Variants in THRB observed in about 807,000 individuals in gnomAD.
THRB encodes thyroid hormone receptor beta, also known as nuclear receptor subfamily 1 group A member 2.
A neutral mutation model predicts 47.8 loss-of-function variants in THRB; 12 were observed. The observed-to-expected ratio is 0.25, with a 90% confidence interval of 0.16 to 0.41. The LOEUF (loss-of-function observed/expected upper bound fraction) is 0.41, where lower values mean the gene tolerates loss of function less well. Ranked by LOEUF, THRB falls within the 10% of genes least tolerant of loss-of-function variation. The pLI, the probability that THRB is intolerant of heterozygous loss-of-function variation, is 1.00. For missense variants in THRB, 348 were observed against 589.2 expected (o/e 0.59, Z 4.24); for synonymous variants, 218 against 212.2 (o/e 1.03, Z -0.24).
At chr3:24,455,089 T>C (rs896273677) in intron 1 of THRB, 1 of 150,028 alleles carries the variant, frequency 6.7e-6, no homozygotes, top group African/African-American at 2.5e-5. Context: ...ATTAGTCACT[T>C]TGGGAATAAG....
chr3:24,210,879 T>C (rs1055064188), intron 4 of THRB, among the ~76,000 whole-genome samples: 1 of 152,132 alleles, frequency 6.6e-6, no homozygotes, highest in Admixed American at 6.5e-5. Flanking sequence ...TCCATAGTAA[T>C]GTGGACATTT....
chr3:24,278,872 G>T (rs1278933056), intron 3 of THRB, among the ~76,000 whole-genome samples: 1 of 152,048 alleles, frequency 6.6e-6, no homozygotes, highest in Non-Finnish European at 1.5e-5. Context: ...TAGATACAGG[G>T]TCTCACTCTG....
intron 9 of THRB, among the ~76,000 whole-genome samples, chr3:24,128,360 C>G (rs181150483): frequency 1.3e-5 from 2 of 152,292 alleles, no homozygotes; most frequent in African/African-American, 4.8e-5. Flanking sequence ...AGAATTCAGA[C>G]CTCCTGACTC....
chr3:24,288,713 A>C (rs897444281), intron 3 of THRB, among the ~76,000 whole-genome samples: 6 of 152,186 alleles, frequency 3.9e-5, no homozygotes, highest in African/African-American at 1.4e-4. Flanking sequence ...AGTGTTTTTC[A>C]AACTATGGGT....
chr3:24,277,276 G>A (rs2054021244), intron 3 of THRB, among the ~76,000 whole-genome samples: 1 of 152,148 alleles, frequency 6.6e-6, no homozygotes, highest in Admixed American at 6.6e-5. Flanking sequence ...GCATCTAGTG[G>A]GTAGAGGCTA....
At chr3:24,428,718 G>A (rs1476397816) in intron 1 of THRB, among the ~76,000 whole-genome samples, 7 of 93,020 alleles carry the variant, frequency 7.5e-5, no homozygotes, top group South Asian at 5.8e-4. Context: ...CCCACAGCTT[G>A]AGCCAGATGG....
At chr3:24,448,981 CA>C (rs970025848) in intron 1 of THRB, among the ~76,000 whole-genome samples, 43 of 152,054 alleles carry the variant, frequency 2.8e-4, no homozygotes, top group African/African-American at 9.7e-4. Context: ...AGGTCAAGGA[CA>C]GATGTAAGAC....
intron 3 of THRB, among the ~76,000 whole-genome samples, chr3:24,279,034 G>A (rs551949787): frequency 1.4e-4 from 22 of 152,088 alleles, no homozygotes; most frequent in African/African-American, 5.1e-4. Flanking sequence ...TCATAGAGAT[G>A]GGGCCTCACT....
At chr3:24,369,585 A>G (rs2064756647) in intron 1 of THRB, among the ~76,000 whole-genome samples, 1 of 152,162 alleles carries the variant, frequency 6.6e-6, no homozygotes, top group Admixed American at 6.6e-5. Flanking sequence ...ATCACACTGC[A>G]GCAGTATTTT....
intron 1 of THRB, among the ~76,000 whole-genome samples, chr3:24,362,461 G>A (rs752680401): frequency 3.9e-5 from 6 of 152,130 alleles, no homozygotes; most frequent in Non-Finnish European, 8.8e-5. Flanking sequence ...ATACCAAGCT[G>A]TTTAAAATTG....
At chr3:24,278,964 C>G (rs1393330640) in intron 3 of THRB, among the ~76,000 whole-genome samples, 1 of 152,130 alleles carries the variant, frequency 6.6e-6, no homozygotes, top group Non-Finnish European at 1.5e-5. Context: ...TCCCCCTCAG[C>G]CTCCCAAGTA....
chr3:24,276,932 T>C (rs903125875), intron 3 of THRB, among the ~76,000 whole-genome samples: 3 of 152,130 alleles, frequency 2.0e-5, no homozygotes, highest in African/African-American at 7.3e-5. Context: ...ATGTATACCA[T>C]TTATAAAAGT....
intron 5 of THRB, among the ~76,000 whole-genome samples, chr3:24,178,542 A>T (rs2041472102): frequency 6.6e-6 from 1 of 152,232 alleles, no homozygotes; most frequent in Admixed American, 6.5e-5. Flanking sequence ...GACATTCCAA[A>T]ATAATAATCA....
chr3:24,228,456 T>G (rs1261489264), intron 4 of THRB, among the ~76,000 whole-genome samples: 2 of 152,006 alleles, frequency 1.3e-5, no homozygotes, highest in African/African-American at 4.8e-5. Flanking sequence ...ATTTATTATA[T>G]TAATTGGAAT....
chr3:24,234,334 T>C (rs542878341), intron 3 of THRB, among the ~76,000 whole-genome samples: 18 of 152,310 alleles, frequency 1.2e-4, no homozygotes, highest in African/African-American at 4.1e-4. Context: ...TTGATCATTC[T>C]TAAAATGCAG....
chr3:24,210,559 A>G (rs917469635), intron 4 of THRB, among the ~76,000 whole-genome samples: 3 of 152,094 alleles, frequency 2.0e-5, no homozygotes, highest in South Asian at 2.1e-4. Flanking sequence ...GACAGCCCCC[A>G]CAACAAAGAA....
At chr3:24,209,689 C>T (rs936107471) in intron 4 of THRB, among the ~76,000 whole-genome samples, 11 of 151,890 alleles carry the variant, frequency 7.2e-5, no homozygotes, top group South Asian at 2.1e-4. Context: ...GTGGGCGGAG[C>T]GGGGAGGGAT....
intron 1 of THRB, among the ~76,000 whole-genome samples, chr3:24,412,617 A>T (rs1379681372): frequency 6.6e-6 from 1 of 151,834 alleles, no homozygotes; most frequent in Non-Finnish European, 1.5e-5. Context: ...TACTGTGTCA[A>T]GTGGGAGAAA....
chr3:24,397,888 G>A (rs1239752745), intron 1 of THRB, among the ~76,000 whole-genome samples: 3 of 152,078 alleles, frequency 2.0e-5, no homozygotes, highest in Admixed American at 6.6e-5. Flanking sequence ...ACCAGCTGCT[G>A]AGGGAAACAG....
Sources: gnomAD v4.1 joint callset for allele counts (sites outside exome capture counted in the v4.1 genomes callset) on GRCh38, gnomAD v4.1.1 for gene constraint, MANE v1.5 for transcripts, NCBI Gene and HGNC (gene_info 2026-07-23, HGNC 2026-07-21) for gene names.